Variants in CCDC172 observed in about 807,000 individuals in gnomAD.
CCDC172 encodes the protein coiled-coil domain-containing protein 172.
In CCDC172, 30 loss-of-function variants were observed where a neutral mutation model predicts 38.0. The observed-to-expected ratio is 0.79, with a 90% confidence interval of 0.59 to 1.07. The LOEUF is 1.07. CCDC172 is among the 50% of genes least tolerant of loss of function. The pLI, the probability that CCDC172 is intolerant of heterozygous loss-of-function variation, is 0.00. For missense variants in CCDC172, 297 were observed against 290.1 expected (o/e 1.02, Z -0.17); for synonymous variants, 78 against 88.3 (o/e 0.88, Z 0.66).
At chr10:116,324,839 G>C (rs1404771009) in intron 1 of CCDC172, 108 bp from the exon 2 acceptor site, 1 of 616,860 alleles carries the variant, frequency 1.6e-6, no homozygotes, top group Non-Finnish European at 2.9e-6. Flanking sequence ...CTCAGACACC[G>C]TCTGGCGTCG....
intron 3 of CCDC172, among the ~76,000 whole-genome samples, chr10:116,329,319 G>T (rs1844628470): frequency 1.4e-5 from 2 of 147,962 alleles, no homozygotes; most frequent in South Asian, 2.1e-4. Flanking sequence ...GTTTATGGGG[G>T]TGTGAACCTT....
chr10:116,329,430 T>C (rs1565710897), intron 3 of CCDC172, among the ~76,000 whole-genome samples: 1 of 152,132 alleles, frequency 6.6e-6, no homozygotes, highest in Non-Finnish European at 1.5e-5. Flanking sequence ...CCATTAGCTG[T>C]TATTCTGTCA....
chr10:116,355,882 T>A (rs1318674442), intron 5 of CCDC172, among the ~76,000 whole-genome samples: 1 of 152,134 alleles, frequency 6.6e-6, no homozygotes, highest in Non-Finnish European at 1.5e-5. Context: ...AGTGAAATGT[T>A]CCAAAATTAT....
At chr10:116,337,917 A>G (rs1844750455) in intron 3 of CCDC172, among the ~76,000 whole-genome samples, 1 of 152,006 alleles carries the variant, frequency 6.6e-6, no homozygotes, top group Admixed American at 6.5e-5. Context: ...GGAACATAAA[A>G]AATAACTTAA....
At chr10:116,328,955 A>G (rs1015856976) in intron 3 of CCDC172, among the ~76,000 whole-genome samples, 20 of 152,154 alleles carry the variant, frequency 1.3e-4, no homozygotes, top group African/African-American at 4.8e-4. Flanking sequence ...TCCTACCAAT[A>G]TTTAATTTTA....
At chr10:116,364,978 G>T (rs936137595) in intron 7 of CCDC172, among the ~76,000 whole-genome samples, 2 of 152,070 alleles carry the variant, frequency 1.3e-5, no homozygotes, top group Admixed American at 1.3e-4. Context: ...AAACTAATTA[G>T]CAATGTTGGC....
At chr10:116,338,893 G>A (rs1004020104) in intron 3 of CCDC172, among the ~76,000 whole-genome samples, 1 of 151,988 alleles carries the variant, frequency 6.6e-6, no homozygotes. Flanking sequence ...TGGTATACAT[G>A]GACTTAGAAT....
chr10:116,361,465 T>C (rs1009721659), intron 7 of CCDC172, among the ~76,000 whole-genome samples: 2 of 152,214 alleles, frequency 1.3e-5, no homozygotes, highest in African/African-American at 4.8e-5. Context: ...TATTTGTGCT[T>C]GTTTAATGCA....
intron 7 of CCDC172, among the ~76,000 whole-genome samples, chr10:116,364,737 A>AT (rs1845102315): frequency 6.6e-6 from 1 of 152,182 alleles, no homozygotes; most frequent in African/African-American, 2.4e-5. Flanking sequence ...AATCACTTAT[A>AT]TGAAAACTAG....
chr10:116,377,647 A>G (rs933702265), intron 7 of CCDC172, among the ~76,000 whole-genome samples: 1 of 152,154 alleles, frequency 6.6e-6, no homozygotes, highest in Non-Finnish European at 1.5e-5. Context: ...CCAAATTAAG[A>G]TATATTTTAA....
At chr10:116,362,460 C>A (rs905846888) in intron 7 of CCDC172, among the ~76,000 whole-genome samples, 15 of 152,174 alleles carry the variant, frequency 9.9e-5, no homozygotes, top group African/African-American at 3.6e-4. Context: ...CATAATTAGA[C>A]ACACTTTTAT....
chr10:116,342,761 A>C (rs1028669990), intron 5 of CCDC172, among the ~76,000 whole-genome samples: 1 of 152,114 alleles, frequency 6.6e-6, no homozygotes, highest in South Asian at 2.1e-4. Context: ...TGCTATTCTC[A>C]TGACATTGAG....
intron 3 of CCDC172, among the ~76,000 whole-genome samples, chr10:116,337,026 A>C (rs936462230): frequency 6.6e-6 from 1 of 151,248 alleles, no homozygotes; most frequent in African/African-American, 2.5e-5. Flanking sequence ...AAGAGGAATA[A>C]AACAAGGAAA....
At chr10:116,331,904 G>C (rs1393312413) in intron 3 of CCDC172, among the ~76,000 whole-genome samples, 3 of 152,018 alleles carry the variant, frequency 2.0e-5, no homozygotes, top group Admixed American at 2.0e-4. Context: ...AGAATCTCAG[G>C]GTTCAAATTC....
intron 7 of CCDC172, among the ~76,000 whole-genome samples, chr10:116,374,957 T>G (rs901180040): frequency 6.6e-6 from 1 of 152,084 alleles, no homozygotes; most frequent in Non-Finnish European, 1.5e-5. Flanking sequence ...AGTTTCTTTA[T>G]ATCCTTATCA....
At chr10:116,353,198 A>G (rs1425322057) in intron 5 of CCDC172, among the ~76,000 whole-genome samples, 2 of 152,018 alleles carry the variant, frequency 1.3e-5, no homozygotes, top group African/African-American at 2.4e-5. Flanking sequence ...ATCTCAAAAA[A>G]AAAAGAATAA....
At chr10:116,348,329 A>T (rs1256742279) in intron 5 of CCDC172, among the ~76,000 whole-genome samples, 1 of 151,962 alleles carries the variant, frequency 6.6e-6, no homozygotes, top group African/African-American at 2.4e-5. Context: ...TCGTGCCACC[A>T]CATCTGTTAT....
At position 116,378,464 on chromosome 10, in the gene CCDC172, A is replaced by C. The variant is rs1565726925; in HGVS notation, c.695A>C (p.Glu232Ala). The change falls in exon 8 of 9, where the codon GAA becomes GCA. Residue 232 changes from glutamate to alanine, a missense_variant. Coordinates refer to ENST00000333254, the MANE Select transcript of CCDC172 (RefSeq NM_198515.3). Reference protein sequence around the residue: ...ELELYKEDDMESVYEALQTEI... With the variant: ...ELELYKEDDMASVYEALQTEI... ...GAACTTTATAAGGAAGATGACATGG[A>C]AAGTGTTTATGAAGCTCTCCAAACA... is the stretch of plus-strand genomic sequence containing the variant. 3.1e-6 allele frequency: 5 copies of C among 1,604,074 alleles called. No individual in the cohort carries two copies. In the Middle Eastern group the frequency reaches 6.6e-4, roughly 213 times the overall value.
chr10:116,342,301 G>A, intron 5 of CCDC172, 100 bp downstream of exon 5: 8 of 941,366 alleles, frequency 8.5e-6, no homozygotes, highest in Non-Finnish European at 1.2e-5. Context: ...GAGCAAATTG[G>A]GTTATTGCAT....
Sources: gnomAD v4.1 joint callset for allele counts (sites outside exome capture counted in the v4.1 genomes callset) on GRCh38, gnomAD v4.1.1 for gene constraint, MANE v1.5 for transcripts, NCBI Gene and HGNC (gene_info 2026-07-23, HGNC 2026-07-21) for gene names.